DLG2: variants seen among roughly 807,000 people sequenced by gnomAD.
DLG2 encodes the protein disks large homolog 2.
In DLG2, 45 loss-of-function variants were observed where a neutral mutation model predicts 132.5. The observed-to-expected ratio is 0.34, with a 90% CI of 0.27 to 0.44. The LOEUF is 0.44. DLG2 is among the 20% of genes least tolerant of loss of function. The pLI is 1.00. For missense variants in DLG2, 1,045 were observed against 1,196.9 expected (o/e 0.87, Z 1.87); for synonymous variants, 424 against 419.6 (o/e 1.01, Z -0.13).
chr11:83,555,471 G>A (rs974614456), intron 19 of DLG2, among the ~76,000 whole-genome samples: 4 of 152,206 alleles, frequency 2.6e-5, no homozygotes, highest in African/African-American at 7.2e-5. Context: ...TCCAAATGAT[G>A]ATGGTTTGGG....
chr11:83,964,180 T>C (rs774505649), intron 13 of DLG2, among the ~76,000 whole-genome samples: 2 of 151,904 alleles, frequency 1.3e-5, no homozygotes, highest in Admixed American at 1.3e-4. Flanking sequence ...CTCCCTTTTC[T>C]GTCTTTGACA....
At chr11:85,159,727 T>C (rs1011919950) in intron 4 of DLG2, among the ~76,000 whole-genome samples, 4 of 152,342 alleles carry the variant, frequency 2.6e-5, no homozygotes, top group Admixed American at 2.6e-4. Context: ...TTTTTCTCCA[T>C]TCCTGTTCAT....
chr11:83,718,783 T>G (rs2087522119), intron 18 of DLG2, among the ~76,000 whole-genome samples: 1 of 152,042 alleles, frequency 6.6e-6, no homozygotes, highest in African/African-American at 2.4e-5. Context: ...AAGACAATAT[T>G]GAAGAAAATG....
chr11:85,292,694 G>GAGGC (rs2078984610), intron 3 of DLG2, among the ~76,000 whole-genome samples: 1 of 93,038 alleles, frequency 1.1e-5, no homozygotes, highest in Non-Finnish European at 2.3e-5. Flanking sequence ...GGGAGGGAGG[G>GAGGC]AGGGAAGGAA....
chr11:84,798,889 G>A (rs948081736), intron 6 of DLG2, among the ~76,000 whole-genome samples: 3 of 152,132 alleles, frequency 2.0e-5, no homozygotes, highest in African/African-American at 7.2e-5. Flanking sequence ...GGCCTGGTAT[G>A]GGGGCTAGCT....
intron 8 of DLG2, among the ~76,000 whole-genome samples, chr11:84,171,816 C>T (rs528974398): frequency 6.6e-6 from 1 of 152,136 alleles, no homozygotes; most frequent in South Asian, 2.1e-4. Context: ...TGAGTCATTC[C>T]ACCAGAATGT....
At chr11:85,430,995 G>A (rs1293836847) in intron 3 of DLG2, among the ~76,000 whole-genome samples, 1 of 152,050 alleles carries the variant, frequency 6.6e-6, no homozygotes, top group Non-Finnish European at 1.5e-5. Context: ...CAGAAAAACA[G>A]TGTAAAAAAT....
intron 19 of DLG2, among the ~76,000 whole-genome samples, chr11:83,553,263 G>T (rs1275685245): frequency 6.6e-6 from 1 of 151,966 alleles, no homozygotes; most frequent in Non-Finnish European, 1.5e-5. Flanking sequence ...AAATTTTTAT[G>T]TCTAAAATCA....
chr11:83,637,737 G>T (rs1022099707), intron 18 of DLG2, among the ~76,000 whole-genome samples: 4 of 152,178 alleles, frequency 2.6e-5, no homozygotes, highest in Non-Finnish European at 5.9e-5. Context: ...TTCATCTATT[G>T]TGTTAGTCAG....
intron 10 of DLG2, among the ~76,000 whole-genome samples, chr11:84,080,774 C>G (rs2154154702): frequency 6.6e-6 from 1 of 152,096 alleles, no homozygotes; most frequent in Middle Eastern, 3.4e-3. Context: ...GGTGGATCAC[C>G]TGAGGTCTGG....
intron 4 of DLG2, among the ~76,000 whole-genome samples, chr11:85,285,017 T>C (rs1479868270): frequency 2.0e-5 from 3 of 151,920 alleles, no homozygotes; most frequent in South Asian, 2.1e-4. Flanking sequence ...TCAAAAAATA[T>C]AAAGAATCAT....
chr11:85,308,057 G>C (rs2080066798), intron 3 of DLG2, among the ~76,000 whole-genome samples: 2 of 152,112 alleles, frequency 1.3e-5, no homozygotes, highest in Middle Eastern at 3.4e-3. Flanking sequence ...CAGAGGCTGA[G>C]GCAGGAGAAT....
intron 6 of DLG2, among the ~76,000 whole-genome samples, chr11:85,099,880 T>C (rs1359525876): frequency 1.3e-5 from 2 of 152,126 alleles, no homozygotes; most frequent in African/African-American, 4.8e-5. Context: ...ATCATTATAA[T>C]TGCACTGGAC....
At chr11:85,296,558 C>T (rs1316253516) in intron 3 of DLG2, among the ~76,000 whole-genome samples, 2 of 144,436 alleles carry the variant, frequency 1.4e-5, no homozygotes, top group African/African-American at 5.1e-5. Context: ...AAGAATTCTA[C>T]TCATAAATAC....
At chr11:85,072,739 A>C (rs2066031672) in intron 6 of DLG2, among the ~76,000 whole-genome samples, 1 of 151,850 alleles carries the variant, frequency 6.6e-6, no homozygotes, top group Non-Finnish European at 1.5e-5. Flanking sequence ...GCCCATAATA[A>C]ATACACTTGG....
intron 22 of DLG2, chr11:83,480,340 GA>G: frequency 2.6e-6 from 4 of 1,528,908 alleles, no homozygotes; most frequent in Non-Finnish European, 3.5e-6. Flanking sequence ...CAATTGCAAA[GA>G]AAATAACCGC....
intron 8 of DLG2, among the ~76,000 whole-genome samples, chr11:84,227,887 C>T (rs980481399): frequency 2.1e-5 from 3 of 143,874 alleles, no homozygotes; most frequent in Non-Finnish European, 4.5e-5. Flanking sequence ...GCACTATAGC[C>T]TGGGCGACAG....
intron 6 of DLG2, among the ~76,000 whole-genome samples, chr11:84,873,336 A>G (rs1323581266): frequency 1.3e-5 from 2 of 152,208 alleles, no homozygotes; most frequent in African/African-American, 4.8e-5. Context: ...AAAAGACAAG[A>G]AAACAGATTC....
chr11:85,512,484 G>A (rs1181923430), intron 3 of DLG2, among the ~76,000 whole-genome samples: 1 of 151,918 alleles, frequency 6.6e-6, no homozygotes, highest in African/African-American at 2.4e-5. Flanking sequence ...ATTATATTGT[G>A]ACCTTTCTCT....
Sources: gnomAD v4.1 joint callset for allele counts (sites outside exome capture counted in the v4.1 genomes callset) on GRCh38, gnomAD v4.1.1 for gene constraint, MANE v1.5 for transcripts, NCBI Gene and HGNC (gene_info 2026-07-23, HGNC 2026-07-21) for gene names.